EYS: variants seen among roughly 807,000 people sequenced by gnomAD.
EYS encodes protein eyes shut homolog.
Under a neutral mutation model 282.1 loss-of-function variants are expected in EYS, and 250 were observed. The ratio of observed to expected loss-of-function variants is 0.89; its 90% CI spans 0.80 to 0.98. The LOEUF is 0.98. EYS is among the 50% of genes least tolerant of loss of function. EYS has a pLI of 0.00. For missense variants in EYS, 4,016 were observed against 3,709.0 expected, an observed-to-expected ratio of 1.08 and a Z score of -2.15; for synonymous variants, 1,355 against 1,282.9, an observed-to-expected ratio of 1.06 and a Z score of -1.20.
At chr6:64,196,083 G>C (rs1430094605) in intron 31 of EYS, among the ~76,000 whole-genome samples, 2 of 152,264 alleles carry the variant, frequency 1.3e-5, no homozygotes, top group Non-Finnish European at 2.9e-5. Flanking sequence ...AGTGGGCAAA[G>C]GATATGAACA....
At chr6:64,924,446 C>T (rs575128969) in intron 15 of EYS, among the ~76,000 whole-genome samples, 67 of 152,268 alleles carry the variant, frequency 4.4e-4, no homozygotes, top group African/African-American at 1.5e-3. Flanking sequence ...ACATTTTCCC[C>T]ATGGTCTTCG....
chr6:65,696,031 G>T (rs780277351), intron 1 of EYS, among the ~76,000 whole-genome samples: 6 of 151,846 alleles, frequency 4.0e-5, no homozygotes, highest in Non-Finnish European at 8.8e-5. Flanking sequence ...GCTTGTTTTG[G>T]CAGGAGAATA....
chr6:64,107,118 G>A (rs138377841), intron 31 of EYS, among the ~76,000 whole-genome samples: 1,650 of 150,422 alleles, frequency 0.011, 25 homozygotes, highest in African/African-American at 0.038. Context: ...ATTAATCATA[G>A]TTTTTTAAAA....
chr6:64,598,114 A>G (rs1156869216), intron 24 of EYS, among the ~76,000 whole-genome samples: 1 of 152,220 alleles, frequency 6.6e-6, no homozygotes, highest in Non-Finnish European at 1.5e-5. Flanking sequence ...ACAAAAACAC[A>G]GGGTCAACAG....
chr6:65,191,223 T>C (rs1387285294), intron 12 of EYS, among the ~76,000 whole-genome samples: 1 of 151,868 alleles, frequency 6.6e-6, no homozygotes, highest in Non-Finnish European at 1.5e-5. Flanking sequence ...TGAATTAGAA[T>C]GATTATGTGA....
intron 12 of EYS, among the ~76,000 whole-genome samples, chr6:65,168,955 C>A (rs1189977079): frequency 1.3e-5 from 2 of 151,192 alleles, no homozygotes; most frequent in Non-Finnish European, 3.0e-5. Context: ...AAAATTACAA[C>A]CATTTTACCT....
At chr6:65,087,802 A>G (rs1774428701) in intron 12 of EYS, among the ~76,000 whole-genome samples, 1 of 152,150 alleles carries the variant, frequency 6.6e-6, no homozygotes, top group South Asian at 2.1e-4. Flanking sequence ...TTCCATGCAC[A>G]TGTCTAAGCT....
Position 64,617,427 on chromosome 6 carries a change from A to T in EYS, c.3675T>A (p.Pro1225=), listed in dbSNP as rs1395996375. 6.5e-7 allele frequency: 1 copy of T among 1,542,050 alleles called. No individual in the cohort carries two copies. The highest frequency in any genetic ancestry group is 1.4e-5 in the African/African-American group (1 of 72,846). ...CACCAGTAATCTTTACCATAAATCCAGGTGTGCATAAACATGTCGAGCCAG... is the reference window on the plus strand; with the variant it reads ...CACCAGTAATCTTTACCATAAATCCTGGTGTGCATAAACATGTCGAGCCAG... ...NEPGSTCLCT[P]GFMTCSIGLL... The change falls in exon 24 of 43, where the codon CCT becomes CCA. Residue 1225 remains proline, a synonymous_variant. Coordinates refer to ENST00000503581, the MANE Select transcript of EYS (RefSeq NM_001142800.2).
intron 14 of EYS, among the ~76,000 whole-genome samples, chr6:64,974,664 T>C (rs1770415351): frequency 1.3e-5 from 2 of 151,906 alleles, no homozygotes; most frequent in African/African-American, 2.4e-5. Flanking sequence ...ATACATATTA[T>C]ATTACACTGT....
At chr6:64,130,229 C>T (rs1773925455) in intron 31 of EYS, among the ~76,000 whole-genome samples, 1 of 152,126 alleles carries the variant, frequency 6.6e-6, no homozygotes. Context: ...TGGAACCAAC[C>T]CAAATGTCCA....
chr6:64,209,715 T>G (rs1765704537), intron 31 of EYS, among the ~76,000 whole-genome samples: 1 of 152,146 alleles, frequency 6.6e-6, no homozygotes, highest in South Asian at 2.1e-4. Flanking sequence ...GTTCTTAAAT[T>G]TGAAAATCTT....
At chr6:63,981,033 C>T (rs1331728770) in intron 35 of EYS, among the ~76,000 whole-genome samples, 5 of 151,892 alleles carry the variant, frequency 3.3e-5, no homozygotes, top group Admixed American at 2.0e-4. Flanking sequence ...TACACTGCTC[C>T]GTGTATGCCA....
chr6:65,341,679 A>G (rs1169731048), intron 10 of EYS, among the ~76,000 whole-genome samples: 1 of 151,194 alleles, frequency 6.6e-6, no homozygotes, highest in Non-Finnish European at 1.5e-5. Flanking sequence ...TAAACTGTCT[A>G]TAATAATTTG....
At chr6:63,903,727 T>C (rs749948969) in intron 35 of EYS, among the ~76,000 whole-genome samples, 18 of 152,202 alleles carry the variant, frequency 1.2e-4, no homozygotes, top group Admixed American at 4.6e-4. Context: ...TTATTCAGTC[T>C]ATAGAACAGG....
intron 2 of EYS, among the ~76,000 whole-genome samples, chr6:65,592,704 C>T (rs1449916052): frequency 2.0e-5 from 3 of 151,978 alleles, no homozygotes; most frequent in Admixed American, 2.0e-4. Context: ...TGCACCACTA[C>T]TTCATTGCAT....
intron 14 of EYS, among the ~76,000 whole-genome samples, chr6:64,991,404 T>C (rs997069209): frequency 6.6e-6 from 1 of 151,614 alleles, no homozygotes; most frequent in Non-Finnish European, 1.5e-5. Flanking sequence ...AGTTCAAGTT[T>C]TGGCTACATA....
At chr6:64,210,930 T>C (rs762424113) in intron 31 of EYS, among the ~76,000 whole-genome samples, 2 of 152,190 alleles carry the variant, frequency 1.3e-5, no homozygotes, top group African/African-American at 2.4e-5. Flanking sequence ...TTGCCTGCCC[T>C]TGGACATCAG....
chr6:65,380,440 C>T (rs986502105), intron 8 of EYS, among the ~76,000 whole-genome samples: 1 of 152,112 alleles, frequency 6.6e-6, no homozygotes, highest in African/African-American at 2.4e-5. Flanking sequence ...GAAACTGGAC[C>T]TCTTCCTTAC....
chr6:64,346,668 G>A (rs979161054), intron 29 of EYS, among the ~76,000 whole-genome samples: 9 of 151,524 alleles, frequency 5.9e-5, no homozygotes, highest in African/African-American at 1.5e-4. Flanking sequence ...AAACCTGCAC[G>A]TTGGGCGCAT....
Sources: allele counts gnomAD v4.1 joint callset (sites outside exome capture counted in the v4.1 genomes callset), GRCh38; gene constraint gnomAD v4.1.1; transcripts MANE v1.5; gene names NCBI Gene and HGNC (gene_info 2026-07-23, HGNC 2026-07-21).